P3H2: variants seen among roughly 807,000 people sequenced by gnomAD.
The protein encoded by P3H2 is leprecan-like 1.
P3H2 carries 80 observed loss-of-function variants against 87.0 expected under a neutral mutation model. The ratio of observed to expected loss-of-function variants is 0.92; its 90% CI spans 0.77 to 1.11. P3H2 has a LOEUF of 1.11. Ranked by LOEUF, P3H2 falls within the 50% of genes least tolerant of loss-of-function variation. The probability of loss-of-function intolerance (pLI) is 0.00; values close to 1 mark genes in which losing one functional copy is unlikely to be tolerated. For synonymous variants in P3H2, 367 were observed against 359.3 expected (o/e 1.02, Z -0.24); for missense variants, 1,001 against 923.9 (o/e 1.08, Z -1.08).
upstream of P3H2, among the ~76,000 whole-genome samples, chr3:190,121,351 G>GAATA (rs960130908): frequency 3.8e-4 from 57 of 149,816 alleles, no homozygotes; most frequent in Middle Eastern, 3.4e-3. Flanking sequence ...AAAAAAAAAA[G>GAATA]AATAAATAAA....
intron 7 of P3H2, 103 bp downstream of exon 7, chr3:189,984,447 A>G (rs1013709225): frequency 5.6e-6 from 5 of 893,296 alleles, no homozygotes; most frequent in African/African-American, 4.9e-5. Flanking sequence ...TTATTTTATT[A>G]TATCTCCTTG....
intron 1 of P3H2, among the ~76,000 whole-genome samples, chr3:190,111,565 T>G (rs1712071863): frequency 6.6e-6 from 1 of 152,216 alleles, no homozygotes; most frequent in South Asian, 2.1e-4. Flanking sequence ...AAAGGGGCTC[T>G]ATTTTAATAT....
intron 13 of P3H2, among the ~76,000 whole-genome samples, chr3:189,965,116 C>T (rs1470538256): frequency 1.3e-5 from 2 of 152,226 alleles, no homozygotes; most frequent in Non-Finnish European, 2.9e-5. Context: ...GACTGGTTCT[C>T]ACTAGCCATT....
chr3:190,041,037 T>TATACAC (rs1375254408), intron 1 of P3H2, among the ~76,000 whole-genome samples: 4 of 49,340 alleles, frequency 8.1e-5, no homozygotes, highest in Non-Finnish European at 1.3e-4. Flanking sequence ...TATATATATA[T>TATACAC]ACACACACAC....
intron 6 of P3H2, among the ~76,000 whole-genome samples, chr3:189,984,976 A>G (rs2108917252): frequency 6.6e-6 from 1 of 152,264 alleles, no homozygotes; most frequent in Admixed American, 6.5e-5. Flanking sequence ...AATCATCTGT[A>G]TAGATCATGA....
intron 1 of P3H2, among the ~76,000 whole-genome samples, chr3:190,072,751 C>A (rs1264020056): frequency 6.6e-6 from 1 of 152,168 alleles, no homozygotes; most frequent in Non-Finnish European, 1.5e-5. Flanking sequence ...ACAACATGCA[C>A]AATATAATTC....
intron 8 of P3H2, among the ~76,000 whole-genome samples, chr3:189,980,883 G>A (rs1723512165): frequency 6.6e-6 from 1 of 152,194 alleles, no homozygotes; most frequent in Non-Finnish European, 1.5e-5. Context: ...TCACCAGAAA[G>A]ACCAAGTGAT....
At chr3:190,106,494 A>G (rs1387846668) in intron 1 of P3H2, among the ~76,000 whole-genome samples, 1 of 151,720 alleles carries the variant, frequency 6.6e-6, no homozygotes, top group East Asian at 1.9e-4. Flanking sequence ...TGCCCTTTAT[A>G]TTCCCTTAGA....
intron 1 of P3H2, among the ~76,000 whole-genome samples, chr3:190,085,759 C>T (rs899991402): frequency 3.3e-5 from 5 of 152,062 alleles, no homozygotes; most frequent in African/African-American, 1.2e-4. Flanking sequence ...AATTATCCCT[C>T]TATTCATTAA....
chr3:189,980,395 T>C (rs1723493399), intron 8 of P3H2, among the ~76,000 whole-genome samples: 1 of 152,028 alleles, frequency 6.6e-6, no homozygotes, highest in Admixed American at 6.6e-5. Context: ...AAATCTCGTC[T>C]CTACTAAAAA....
intron 1 of P3H2, among the ~76,000 whole-genome samples, chr3:190,060,254 T>C (rs1726292585): frequency 1.3e-5 from 2 of 152,116 alleles, no homozygotes; most frequent in Non-Finnish European, 2.9e-5. Flanking sequence ...AATACAACAT[T>C]TGCCACTATT....
intron 9 of P3H2, chr3:189,974,231 A>C (rs1307455037): frequency 3.4e-6 from 2 of 595,734 alleles, no homozygotes; most frequent in African/African-American, 3.7e-5. Flanking sequence ...ATGGAAATAA[A>C]AAGAATGTAA....
intron 13 of P3H2, among the ~76,000 whole-genome samples, chr3:189,965,969 G>GAAAA (rs749675777): frequency 1.3e-5 from 1 of 76,770 alleles, no homozygotes; most frequent in Non-Finnish European, 2.7e-5. Context: ...CTGGGTGACA[G>GAAAA]AAAAAAAAAA....
chr3:190,121,163 C>T (rs1189614382), upstream of P3H2: 2 of 165,370 alleles, frequency 1.2e-5, no homozygotes, highest in African/African-American at 4.8e-5. Flanking sequence ...TCCAGCTTAG[C>T]AAGGTTAGGG....
At chr3:190,036,591 T>C (rs1221384192) in intron 1 of P3H2, among the ~76,000 whole-genome samples, 1 of 152,240 alleles carries the variant, frequency 6.6e-6, no homozygotes, top group East Asian at 1.9e-4. Flanking sequence ...TGCTTAAGAT[T>C]GCATGATGGC....
At chr3:189,991,210 A>T (rs1332160261) in intron 3 of P3H2, among the ~76,000 whole-genome samples, 4 of 152,368 alleles carry the variant, frequency 2.6e-5, no homozygotes, top group East Asian at 3.9e-4. Context: ...CCAAAAAAAT[A>T]AAACTTTCAG....
In P3H2 at chr3:190,044,963, T is replaced by C. The variant is rs527359019; in HGVS notation, c.481-49521A>G. Among the ~76,000 whole-genome samples, 53 of 152,204 alleles carry C rather than the reference T, an allele frequency of 3.5e-4. 2 individuals carry two copies. The South Asian group carries it at 5.4e-3, about 15-fold the overall frequency. ...ATTGAAATTGGATGGTAGGATACAG[T>C]AATTTGGGGAGGAGGAGACTCCTTT... On this transcript the variant is annotated intron_variant, in intron 1 of 14. Coordinates refer to ENST00000319332, the MANE Select transcript of P3H2 (RefSeq NM_018192.4).
chr3:190,063,101 C>T lies in P3H2; in HGVS notation c.480+57151G>A, dbSNP rs112911611. Among the ~76,000 whole-genome samples, 697 of 152,240 alleles carry T rather than the reference C, an allele frequency of 4.6e-3. 4 individuals are homozygous for T. The highest frequency in any genetic ancestry group is 0.015 in the African/African-American group (616 of 41,552). ...AACCACATTCCCCAACAAATGGCTC[C>T]TGAGATGTTTTAGTTTAAATTTAGG... On this transcript the variant is annotated intron_variant, in intron 1 of 14. Coordinates refer to ENST00000319332, the MANE Select transcript of P3H2 (RefSeq NM_018192.4).
chr3:189,975,258 T>G (rs1029643677), intron 8 of P3H2, among the ~76,000 whole-genome samples: 1 of 152,188 alleles, frequency 6.6e-6, no homozygotes, highest in Admixed American at 6.5e-5. Flanking sequence ...AATCATCACG[T>G]TTCTATTTCC....
Sources: gnomAD v4.1 joint callset for allele counts (sites outside exome capture counted in the v4.1 genomes callset) on GRCh38, gnomAD v4.1.1 for gene constraint, MANE v1.5 for transcripts, NCBI Gene and HGNC (gene_info 2026-07-23, HGNC 2026-07-21) for gene names.